ADAMTSL1: variants seen among roughly 807,000 people sequenced by gnomAD.
ADAMTSL1 encodes ADAMTS-like protein 1.
ADAMTSL1 carries 126 observed loss-of-function variants against 201.8 expected under a neutral mutation model. The observed-to-expected ratio is 0.62, with a 90% CI of 0.54 to 0.72. ADAMTSL1 has a LOEUF of 0.72. ADAMTSL1 is among the 30% of genes least tolerant of loss of function. The pLI is 0.00. For missense variants in ADAMTSL1, 2,679 were observed against 2,277.8 expected (o/e 1.18, Z -3.59); for synonymous variants, 1,121 against 903.4 (o/e 1.24, Z -4.32).
At chr9:17,967,514 C>T (rs1416454004) in intron 1 of ADAMTSL1, among the ~76,000 whole-genome samples, 2 of 152,100 alleles carry the variant, frequency 1.3e-5, no homozygotes, top group Non-Finnish European at 2.9e-5. Flanking sequence ...ACTTTACACA[C>T]AACTCTCAAA....
intron 28 of ADAMTSL1, 150 bp downstream of exon 28, chr9:18,907,062 G>T (rs1406030912): frequency 1.3e-6 from 1 of 778,930 alleles, no homozygotes; most frequent in Non-Finnish European, 2.1e-6. Context: ...TTTCAGTGGG[G>T]TGCATGGGTG....
At chr9:18,376,208 A>G (rs1334125309) in intron 2 of ADAMTSL1, among the ~76,000 whole-genome samples, 2 of 152,228 alleles carry the variant, frequency 1.3e-5, no homozygotes, top group Admixed American at 6.5e-5. Flanking sequence ...ATTTTAAGAT[A>G]TTTCTTGTAA....
Position 17,925,607 on chromosome 9 carries a change from A to G in ADAMTSL1, c.87+18685A>G, listed in dbSNP as rs1401128437. Among the ~76,000 whole-genome samples the G allele has an allele frequency of 2.8e-3, 356 of 128,174 alleles. 3 individuals are homozygous for G. The highest frequency in any genetic ancestry group is 9.5e-3 in the African/African-American group (343 of 36,108). 84.1% of individuals were successfully genotyped at this position (128,174 alleles called of 152,430 possible). A position where few individuals can be genotyped will look rare whatever the true frequency, so the allele number is the denominator to read the frequency against. On this transcript the variant is annotated intron_variant, in intron 1 of 29. Coordinates refer to the ADAMTSL1 transcript ENST00000680146. ...ATTCTCAGTAAACTATCGCAAGAAC[A>G]AAAAACCAAACACCGCATATTCTCA...
At chr9:18,266,280 C>G (rs868594022) in intron 2 of ADAMTSL1, among the ~76,000 whole-genome samples, 1 of 152,162 alleles carries the variant, frequency 6.6e-6, no homozygotes, top group Non-Finnish European at 1.5e-5. Flanking sequence ...AATGCCTTAG[C>G]AAGGGCATGG....
At chr9:17,999,694 G>T (rs1220102258) in intron 1 of ADAMTSL1, among the ~76,000 whole-genome samples, 1 of 150,374 alleles carries the variant, frequency 6.7e-6, no homozygotes, top group Admixed American at 6.6e-5. Context: ...ATGCTGGTGC[G>T]CTGCACCCAC....
At chr9:18,501,689 G>A (rs1822854847) in intron 1 of ADAMTSL1, among the ~76,000 whole-genome samples, 1 of 152,116 alleles carries the variant, frequency 6.6e-6, no homozygotes, top group African/African-American at 2.4e-5. Context: ...TAAATGTCTG[G>A]CACAGTTAAA....
At chr9:17,999,917 C>G (rs966391427) in intron 1 of ADAMTSL1, among the ~76,000 whole-genome samples, 3 of 149,272 alleles carry the variant, frequency 2.0e-5, no homozygotes, top group African/African-American at 7.6e-5. Context: ...ATCCATGTCC[C>G]TACAAAGGAC....
chr9:18,627,941 G>A (rs1168247074), intron 5 of ADAMTSL1, among the ~76,000 whole-genome samples: 17 of 152,144 alleles, frequency 1.1e-4, no homozygotes, highest in Admixed American at 1.0e-3. Context: ...TAAAAAATGT[G>A]TTGCTTGACT....
intron 1 of ADAMTSL1, among the ~76,000 whole-genome samples, chr9:17,926,293 A>C (rs1421157325): frequency 6.6e-6 from 1 of 152,200 alleles, no homozygotes; most frequent in Non-Finnish European, 1.5e-5. Flanking sequence ...TTCGAATGCT[A>C]ATTTTAAAAC....
At position 18,415,342 on chromosome 9, in the gene ADAMTSL1, T is replaced by C. The variant is rs558200920; in HGVS notation, c.208-89487T>C. Among the ~76,000 whole-genome samples the C allele has an allele frequency of 3.3e-5, 5 of 152,300 alleles. No homozygotes were observed. The South Asian group carries it at 1.0e-3, about 32-fold the overall frequency. On this transcript the variant is annotated intron_variant, in intron 2 of 29. Coordinates refer to the ADAMTSL1 transcript ENST00000680146. ...AGGTTCAAAAAGTGAAGTGTAGACA[T>C]AGAAGATGTATTTTTAAAAAACAAC...
intron 23 of ADAMTSL1, among the ~76,000 whole-genome samples, chr9:18,856,498 C>G (rs1297008364): frequency 1.6e-5 from 2 of 126,684 alleles, no homozygotes; most frequent in Non-Finnish European, 3.1e-5. Flanking sequence ...GAGTCTCGCT[C>G]TGTCGCCCAG....
At chr9:18,221,437 C>T (rs543976008) in intron 2 of ADAMTSL1, among the ~76,000 whole-genome samples, 1 of 152,236 alleles carries the variant, frequency 6.6e-6, no homozygotes, top group Admixed American at 6.5e-5. Flanking sequence ...TGTGTTGAAA[C>T]ATCTTATTTA....
chr9:18,649,304 A>G (rs1436904262), intron 7 of ADAMTSL1, among the ~76,000 whole-genome samples: 1 of 151,722 alleles, frequency 6.6e-6, no homozygotes, highest in Non-Finnish European at 1.5e-5. Flanking sequence ...TTTTTTTCAA[A>G]GTTTTCAACT....
intron 1 of ADAMTSL1, among the ~76,000 whole-genome samples, chr9:17,974,699 T>A (rs984503926): frequency 1.3e-5 from 2 of 152,082 alleles, no homozygotes; most frequent in African/African-American, 4.8e-5. Context: ...AGGATCTCCT[T>A]CTTTTGTTAA....
At position 18,013,565 on chromosome 9, in the gene ADAMTSL1, T is replaced by C. The variant is rs563232030; in HGVS notation, c.87+106643T>C. On this transcript the variant is annotated intron_variant, in intron 1 of 29. Coordinates refer to the ADAMTSL1 transcript ENST00000680146. Reference sequence around the variant, plus strand: ...ACCAAAGCAACCAAAAAACACGGATTCTAAAACCTTAACTGAGGAAATTAC... The same window carrying C: ...ACCAAAGCAACCAAAAAACACGGATCCTAAAACCTTAACTGAGGAAATTAC... 4.7e-4 allele frequency among the ~76,000 whole-genome samples: 72 copies of C among 152,216 alleles called. 1 individual carries two copies. In the South Asian group the frequency reaches 0.015, roughly 31 times the overall value.
chr9:17,930,905 C>T (rs2131317935), intron 1 of ADAMTSL1, among the ~76,000 whole-genome samples: 1 of 152,258 alleles, frequency 6.6e-6, no homozygotes, highest in East Asian at 1.9e-4. Flanking sequence ...ATCTTGTCAG[C>T]TGAATGGAAG....
chr9:18,093,288 C>A (rs1221485748), intron 1 of ADAMTSL1, among the ~76,000 whole-genome samples: 1 of 151,960 alleles, frequency 6.6e-6, no homozygotes, highest in Non-Finnish European at 1.5e-5. Context: ...AATTCTTAGC[C>A]CTGTATTTTC....
At chr9:18,069,913 A>C (rs1255612370) in intron 1 of ADAMTSL1, among the ~76,000 whole-genome samples, 1 of 152,158 alleles carries the variant, frequency 6.6e-6, no homozygotes, top group Non-Finnish European at 1.5e-5. Context: ...ATTTGGTGAG[A>C]GATTGGATGT....
chr9:18,858,731 C>T (rs1827022216), intron 23 of ADAMTSL1, among the ~76,000 whole-genome samples: 1 of 152,178 alleles, frequency 6.6e-6, no homozygotes, highest in South Asian at 2.1e-4. Flanking sequence ...ATCTGCCAGG[C>T]TGGGACATGA....
Sources: gnomAD v4.1 joint callset for allele counts (sites outside exome capture counted in the v4.1 genomes callset) on GRCh38, gnomAD v4.1.1 for gene constraint, MANE v1.5 for transcripts, NCBI Gene and HGNC (gene_info 2026-07-23, HGNC 2026-07-21) for gene names.